MECOM: variants seen among roughly 807,000 people sequenced by gnomAD.
The protein encoded by MECOM is MDS1 and EVI1 complex locus.
In MECOM, 13 loss-of-function variants were observed where a neutral mutation model predicts 116.3. The ratio of observed to expected loss-of-function variants is 0.11; its 90% CI spans 0.07 to 0.18. The LOEUF (loss-of-function observed/expected upper bound fraction) is 0.18. Ranked by LOEUF, MECOM falls within the 10% of genes least tolerant of loss-of-function variation. MECOM has a pLI of 1.00. For missense variants in MECOM, 1,299 were observed against 1,509.0 expected, an observed-to-expected ratio of 0.86 and a Z score of 2.31; for synonymous variants, 528 against 535.2, an observed-to-expected ratio of 0.99 and a Z score of 0.19.
chr3:169,381,567 A>C, intron 1 of MECOM, 43 bp from the exon 2 acceptor site: 2 of 1,456,424 alleles, frequency 1.4e-6, no homozygotes, highest in South Asian at 1.4e-5. Context: ...CTGATATTGA[A>C]GAGACAAAAT....
intron 12 of MECOM, among the ~76,000 whole-genome samples, chr3:169,099,332 G>A (rs34651932): frequency 1.3e-5 from 2 of 152,056 alleles, no homozygotes; most frequent in East Asian, 3.9e-4. Flanking sequence ...CATGAGTGTG[G>A]AAACCTTTCC....
intron 3 of MECOM, among the ~76,000 whole-genome samples, chr3:169,139,824 G>A (rs949208988): frequency 5.9e-5 from 9 of 151,982 alleles, no homozygotes; most frequent in African/African-American, 2.2e-4. Context: ...CTTATCAAAG[G>A]ATGGAGAGAG....
intron 1 of MECOM, among the ~76,000 whole-genome samples, chr3:169,624,805 G>C (rs1474952036): frequency 1.3e-5 from 2 of 152,298 alleles, no homozygotes; most frequent in South Asian, 4.1e-4. Flanking sequence ...TGTCTGGTGT[G>C]CACAAACATT....
chr3:169,312,529 C>T (rs922124702), intron 2 of MECOM, among the ~76,000 whole-genome samples: 1 of 151,896 alleles, frequency 6.6e-6, no homozygotes, highest in Non-Finnish European at 1.5e-5. Flanking sequence ...CCACCATGCC[C>T]GGCTAATTTT....
intron 2 of MECOM, among the ~76,000 whole-genome samples, chr3:169,237,070 C>T (rs774363654): frequency 3.9e-5 from 6 of 152,186 alleles, no homozygotes; most frequent in African/African-American, 1.4e-4. Flanking sequence ...CTGGATGAAG[C>T]TCTTCCTGAA....
intron 7 of MECOM, among the ~76,000 whole-genome samples, chr3:169,117,971 T>C (rs1228426273): frequency 1.3e-5 from 2 of 152,194 alleles, no homozygotes; most frequent in East Asian, 3.8e-4. Context: ...ATGTACCTTG[T>C]TGGTAATTGT....
At chr3:169,645,396 G>C (rs531627757) in intron 1 of MECOM, among the ~76,000 whole-genome samples, 1 of 152,180 alleles carries the variant, frequency 6.6e-6, no homozygotes, top group African/African-American at 2.4e-5. Context: ...TGGAATTCTA[G>C]AAAACCAAAA....
intron 2 of MECOM, among the ~76,000 whole-genome samples, chr3:169,357,891 C>T (rs1315358977): frequency 6.6e-6 from 1 of 151,692 alleles, no homozygotes; most frequent in African/African-American, 2.4e-5. Flanking sequence ...CTGCTATATT[C>T]TCTGGGCATT....
At chr3:169,469,992 A>G (rs752536512) in intron 1 of MECOM, among the ~76,000 whole-genome samples, 1 of 152,220 alleles carries the variant, frequency 6.6e-6, no homozygotes, top group Non-Finnish European at 1.5e-5. Flanking sequence ...CTGATATGAT[A>G]TTAAAGCTCC....
At chr3:169,535,121 A>G (rs1474611321) in intron 1 of MECOM, among the ~76,000 whole-genome samples, 1 of 152,176 alleles carries the variant, frequency 6.6e-6, no homozygotes, top group Non-Finnish European at 1.5e-5. Flanking sequence ...ACCTCCCTCT[A>G]TCTAAGCCGC....
intron 2 of MECOM, among the ~76,000 whole-genome samples, chr3:169,209,277 T>G (rs971582852): frequency 2.0e-5 from 3 of 152,100 alleles, no homozygotes; most frequent in African/African-American, 7.2e-5. Context: ...GGCAATACCA[T>G]TCAGGACATA....
chr3:169,451,589 ATTTC>A (rs1745610688), intron 1 of MECOM, among the ~76,000 whole-genome samples: 1 of 152,124 alleles, frequency 6.6e-6, no homozygotes, highest in Non-Finnish European at 1.5e-5. Context: ...TCTTATGCCT[ATTTC>A]TTAGAAGTTC....
chr3:169,287,552 ATTTAC>A (rs1713584451), intron 2 of MECOM, among the ~76,000 whole-genome samples: 1 of 152,172 alleles, frequency 6.6e-6, no homozygotes, highest in Non-Finnish European at 1.5e-5. Flanking sequence ...ATTTTTGTTG[ATTTAC>A]TTTAGAAACA....
chr3:169,529,950 T>G (rs11925885), intron 1 of MECOM, among the ~76,000 whole-genome samples: 3,356 of 152,116 alleles, frequency 0.022, 128 homozygotes, highest in African/African-American at 0.077. Flanking sequence ...TAACTCAAAG[T>G]AGAAAAAAGG....
intron 2 of MECOM, among the ~76,000 whole-genome samples, chr3:169,328,688 G>A (rs999101645): frequency 6.6e-6 from 1 of 152,088 alleles, no homozygotes; most frequent in African/African-American, 2.4e-5. Flanking sequence ...TTTTCTACTA[G>A]TGTCTAGTAG....
chr3:169,442,745 T>C (rs1743942420), intron 1 of MECOM, among the ~76,000 whole-genome samples: 1 of 152,188 alleles, frequency 6.6e-6, no homozygotes, highest in Non-Finnish European at 1.5e-5. Flanking sequence ...TTTTGTGGTC[T>C]CTTTTCTACT....
At chr3:169,486,080 TG>T (rs1752349044) in intron 1 of MECOM, among the ~76,000 whole-genome samples, 3 of 144,140 alleles carry the variant, frequency 2.1e-5, no homozygotes, top group African/African-American at 7.7e-5. Flanking sequence ...TCACCAAGTT[TG>T]ATGTGGTTTT....
At chr3:169,616,318 T>TA (rs1306144363) in intron 1 of MECOM, among the ~76,000 whole-genome samples, 5 of 152,198 alleles carry the variant, frequency 3.3e-5, no homozygotes, top group Non-Finnish European at 7.4e-5. Flanking sequence ...ATGTATTCCT[T>TA]AGAGTTTTTT....
intron 2 of MECOM, among the ~76,000 whole-genome samples, chr3:169,206,705 A>T (rs1030043607): frequency 2.7e-5 from 4 of 150,158 alleles, no homozygotes; most frequent in African/African-American, 9.8e-5. Context: ...GTGAGCCGAG[A>T]TTGCACCACG....
Sources: allele counts gnomAD v4.1 joint callset (sites outside exome capture counted in the v4.1 genomes callset), GRCh38; gene constraint gnomAD v4.1.1; transcripts MANE v1.5; gene names NCBI Gene and HGNC (gene_info 2026-07-23, HGNC 2026-07-21).